The following PHACTR1 variants were observed in gnomAD, a reference collection of about 807,000 sequenced individuals.
The protein encoded by PHACTR1 is RPEL repeat containing 1.
In PHACTR1, 16 loss-of-function variants were observed where a neutral mutation model predicts 69.2. The ratio of observed to expected loss-of-function variants is 0.23; its 90% CI spans 0.16 to 0.35. PHACTR1 has a LOEUF of 0.35. PHACTR1 is among the 10% of genes least tolerant of loss of function. The probability of loss-of-function intolerance (pLI) is 1.00; values close to 1 mark genes in which losing one functional copy is unlikely to be tolerated. For synonymous variants in PHACTR1, 312 were observed against 284.5 expected (o/e 1.10, Z -0.97); for missense variants, 510 against 734.7 (o/e 0.69, Z 3.54).
At chr6:13,071,896 A>T (rs554600583) in intron 5 of PHACTR1, among the ~76,000 whole-genome samples, 1 of 152,338 alleles carries the variant, frequency 6.6e-6, no homozygotes, top group South Asian at 2.1e-4. Flanking sequence ...TTTGAGCCTC[A>T]TGTTAATTAT....
chr6:13,226,489 G>C (rs771767623), intron 8 of PHACTR1, among the ~76,000 whole-genome samples: 2 of 152,044 alleles, frequency 1.3e-5, no homozygotes, highest in Non-Finnish European at 2.9e-5. Context: ...AATGCATTGA[G>C]TTTCCTGTAT....
rs1311573605 is a variant in PHACTR1 at position 13,048,480 on chromosome 6, AGACC to A, written c.251-4884_251-4881del. 4.0e-5 allele frequency among the ~76,000 whole-genome samples: 6 copies of A among 151,284 alleles called. No homozygotes were observed. The South Asian group carries it at 6.3e-4, about 16-fold the overall frequency. Reference sequence around the variant, plus strand: ...TTCTTTCTCTGGTTCCTGCAATGGGAGACCACTTTATCCTGAGACCTGTTTTTTG... The same window carrying A: ...TTCTTTCTCTGGTTCCTGCAATGGGAACTTTATCCTGAGACCTGTTTTTTG... On this transcript the variant is annotated intron_variant, in intron 4 of 14. Coordinates refer to ENST00000332995, the MANE Select transcript of PHACTR1 (RefSeq NM_030948.6).
At chr6:12,993,755 T>C (rs563072270) in intron 4 of PHACTR1, among the ~76,000 whole-genome samples, 1 of 152,292 alleles carries the variant, frequency 6.6e-6, no homozygotes, top group South Asian at 2.1e-4. Flanking sequence ...TCCAAATTTT[T>C]AGTACCCAGA....
chr6:12,735,022 A>G (rs529996891), intron 3 of PHACTR1, among the ~76,000 whole-genome samples: 2 of 152,314 alleles, frequency 1.3e-5, no homozygotes, highest in African/African-American at 2.4e-5. Context: ...ACACTATCTG[A>G]CAGTTTCTGT....
intron 4 of PHACTR1, among the ~76,000 whole-genome samples, chr6:12,946,012 T>G (rs925712718): frequency 7.0e-6 from 1 of 143,758 alleles, no homozygotes; most frequent in Non-Finnish European, 1.5e-5. Flanking sequence ...CTAAAGTTCA[T>G]GAAACCTCCA....
At chr6:12,956,746 C>T (rs920701137) in intron 4 of PHACTR1, among the ~76,000 whole-genome samples, 2 of 152,098 alleles carry the variant, frequency 1.3e-5, no homozygotes, top group African/African-American at 2.4e-5. Context: ...AGAAGATTCT[C>T]GGTTTTAGGT....
chr6:12,786,078 A>T (rs1771508048), intron 4 of PHACTR1, among the ~76,000 whole-genome samples: 1 of 152,254 alleles, frequency 6.6e-6, no homozygotes, highest in African/African-American at 2.4e-5. Context: ...ACTCAAAAAT[A>T]TCAACATAGT....
intron 4 of PHACTR1, among the ~76,000 whole-genome samples, chr6:13,010,282 C>G (rs915248027): frequency 1.3e-5 from 2 of 152,152 alleles, no homozygotes; most frequent in Non-Finnish European, 2.9e-5. Context: ...TTCGCGCCAC[C>G]ACACCCAGCT....
rs527443200 is a variant in PHACTR1, at chr6:13,285,779, C to CT, written c.1651-366dup. Reference sequence around the variant, plus strand: ...TCTCCACCTCGAGGCATCACTGTGCCTGTGCTGAGCTTTGTTTATTTATGG... The same window carrying CT: ...TCTCCACCTCGAGGCATCACTGTGCCTTGTGCTGAGCTTTGTTTATTTATGG... On this transcript the variant is annotated intron_variant, in intron 13 of 14. Coordinates refer to ENST00000332995, the MANE Select transcript of PHACTR1 (RefSeq NM_030948.6). Among the ~76,000 whole-genome samples the CT allele has an allele frequency of 1.7e-4, 26 of 152,254 alleles. No individual in the cohort carries two copies. In the East Asian group the frequency reaches 4.8e-3, roughly 28 times the overall value.
chr6:13,250,810 G>A (rs1457889510), intron 10 of PHACTR1, among the ~76,000 whole-genome samples: 4 of 152,154 alleles, frequency 2.6e-5, no homozygotes, highest in Admixed American at 6.5e-5. Flanking sequence ...AGGTCTGGGC[G>A]CAAGACAGGT....
chr6:12,933,540 T>G, intron 4 of PHACTR1: 1 of 1,550,676 alleles, frequency 6.4e-7, no homozygotes, highest in Non-Finnish European at 8.7e-7. Flanking sequence ...CTATTTAATA[T>G]AATGGATCTC....
At chr6:12,765,321 G>T (rs1424099255) in intron 4 of PHACTR1, among the ~76,000 whole-genome samples, 1 of 152,170 alleles carries the variant, frequency 6.6e-6, no homozygotes, top group Non-Finnish European at 1.5e-5. Flanking sequence ...TCTATCAGTA[G>T]AAATATCAAC....
intron 5 of PHACTR1, among the ~76,000 whole-genome samples, chr6:13,113,421 A>G (rs1427545897): frequency 1.3e-5 from 2 of 152,202 alleles, no homozygotes; most frequent in Non-Finnish European, 2.9e-5. Context: ...AGTCTCTTCC[A>G]GAGAAAGGAA....
At chr6:13,135,617 C>T (rs1407452293) in intron 5 of PHACTR1, among the ~76,000 whole-genome samples, 8 of 152,156 alleles carry the variant, frequency 5.3e-5, no homozygotes, top group Non-Finnish European at 1.2e-4. Flanking sequence ...GCAGCTGTGA[C>T]CTTAAAATTC....
intron 3 of PHACTR1, among the ~76,000 whole-genome samples, chr6:12,743,608 C>T (rs1427785027): frequency 6.6e-6 from 1 of 152,190 alleles, no homozygotes; most frequent in African/African-American, 2.4e-5. Context: ...GAAGAGCTAA[C>T]TATCTTAAAT....
At chr6:12,993,189 A>G (rs1476815007) in intron 4 of PHACTR1, among the ~76,000 whole-genome samples, 1 of 152,180 alleles carries the variant, frequency 6.6e-6, no homozygotes, top group African/African-American at 2.4e-5. Flanking sequence ...CTTTTTACTA[A>G]AAGGAAACCT....
chr6:13,283,402 ATC>A lies in PHACTR1; in HGVS notation c.1510-13_1510-12del. ...TCAACCCTTCTGGCTGACTGGGTCC[ATC>A]TCTCTCCCTCCCTGCAGCTCAGTCA... On this transcript the variant is annotated intron_variant, in intron 12 of 14. Transcript: ENST00000332995. The surrounding 1 kb of genome is among the most constrained non-coding windows in gnomAD (Gnocchi z 4.7). 6.2e-7 allele frequency: 1 copy of A among 1,612,516 alleles called. No homozygotes were observed. Among genetic ancestry groups the A allele is most frequent in the Non-Finnish European group, 8.5e-7 (1 of 1,179,448 alleles).
At chr6:12,771,153 G>A (rs1769332800) in intron 4 of PHACTR1, among the ~76,000 whole-genome samples, 1 of 152,148 alleles carries the variant, frequency 6.6e-6, no homozygotes, top group African/African-American at 2.4e-5. Flanking sequence ...GTACTGGGTT[G>A]ATCTTAAATA....
chr6:13,231,027 G>A (rs910915637), intron 10 of PHACTR1, among the ~76,000 whole-genome samples: 10 of 136,544 alleles, frequency 7.3e-5, no homozygotes, highest in African/African-American at 2.8e-4. Context: ...AGGAAAGAAA[G>A]AAAGAGAGAG....
Sources: gnomAD v4.1 joint callset for allele counts (sites outside exome capture counted in the v4.1 genomes callset) on GRCh38, gnomAD v4.1.1 for gene constraint, Gnocchi (gnomAD v3.1) non-coding constraint, MANE v1.5 for transcripts, NCBI Gene and HGNC (gene_info 2026-07-23, HGNC 2026-07-21) for gene names.